The following PLPP4 variants were observed in gnomAD, a reference collection of about 807,000 sequenced individuals.
The protein encoded by PLPP4 is phospholipid phosphatase 4.
PLPP4 carries 20 observed loss-of-function variants against 32.2 expected under a neutral mutation model. The observed-to-expected ratio is 0.62, with a 90% CI of 0.44 to 0.90. The LOEUF (loss-of-function observed/expected upper bound fraction) is 0.90, where lower values mean the gene tolerates loss of function less well. PLPP4 is among the 40% of genes least tolerant of loss of function. PLPP4 has a pLI of 0.00. For missense variants in PLPP4, 257 were observed against 353.1 expected (o/e 0.73, Z 2.18); for synonymous variants, 127 against 133.0 (o/e 0.95, Z 0.31).
At chr10:120,504,502 G>T (rs1479100218) in intron 2 of PLPP4, among the ~76,000 whole-genome samples, 1 of 152,262 alleles carries the variant, frequency 6.6e-6, no homozygotes, top group African/African-American at 2.4e-5. Flanking sequence ...GCCTCGGCCT[G>T]TCTAGACATG....
At chr10:120,525,231 T>C (rs1369206776) in intron 5 of PLPP4, among the ~76,000 whole-genome samples, 1 of 152,200 alleles carries the variant, frequency 6.6e-6, no homozygotes, top group Non-Finnish European at 1.5e-5. Flanking sequence ...TCTGGCCCTT[T>C]ACAGAGAAAA....
intron 6 of PLPP4, among the ~76,000 whole-genome samples, chr10:120,587,996 G>A (rs1458568245): frequency 1.3e-5 from 2 of 152,194 alleles, no homozygotes; most frequent in Non-Finnish European, 2.9e-5. Flanking sequence ...ATCAAGCCTG[G>A]AATGAACCCG....
intron 3 of PLPP4, among the ~76,000 whole-genome samples, chr10:120,518,174 CTGTT>C (rs1263141937): frequency 2.0e-5 from 3 of 152,224 alleles, no homozygotes; most frequent in African/African-American, 7.2e-5. Flanking sequence ...TCTTCCCAGA[CTGTT>C]TGGAGAAAGT....
At chr10:120,540,581 G>A (rs1467876326) in intron 5 of PLPP4, among the ~76,000 whole-genome samples, 2 of 152,132 alleles carry the variant, frequency 1.3e-5, no homozygotes, top group African/African-American at 4.8e-5. Flanking sequence ...GCAACCCAAG[G>A]TACAGGGCAA....
At chr10:120,557,220 C>T (rs1848202857) in intron 5 of PLPP4, among the ~76,000 whole-genome samples, 1 of 152,124 alleles carries the variant, frequency 6.6e-6, no homozygotes. Context: ...GAAATAGCTG[C>T]ATTAGAAAAA....
intron 1 of PLPP4, among the ~76,000 whole-genome samples, chr10:120,463,494 C>T (rs935189384): frequency 1.3e-5 from 2 of 152,156 alleles, no homozygotes; most frequent in African/African-American, 4.8e-5. Context: ...CTAATACTTA[C>T]TTCACTGGAT....
At chr10:120,501,562 A>T (rs1031189484) in intron 1 of PLPP4, among the ~76,000 whole-genome samples, 1 of 152,218 alleles carries the variant, frequency 6.6e-6, no homozygotes, top group Non-Finnish European at 1.5e-5. Flanking sequence ...ATGACTCATT[A>T]TGTGCCACAT....
chr10:120,551,952 T>C (rs1047650450), intron 5 of PLPP4, among the ~76,000 whole-genome samples: 38 of 152,202 alleles, frequency 2.5e-4, no homozygotes, highest in Non-Finnish European at 5.0e-4. Context: ...TTCCTAACTT[T>C]TTTTTACAAT....
intron 1 of PLPP4, among the ~76,000 whole-genome samples, chr10:120,495,693 A>T (rs2133848192): frequency 6.6e-6 from 1 of 152,254 alleles, no homozygotes; most frequent in Non-Finnish European, 1.5e-5. Flanking sequence ...TTGTTTGTTC[A>T]CAGAATAACC....
intron 5 of PLPP4, among the ~76,000 whole-genome samples, chr10:120,544,547 A>G (rs545653217): frequency 2.0e-5 from 3 of 151,994 alleles, no homozygotes; most frequent in African/African-American, 7.2e-5. Flanking sequence ...CCCCTCCCAT[A>G]CACAGACTCT....
At chr10:120,517,949 C>T (rs1845998558) in intron 3 of PLPP4, among the ~76,000 whole-genome samples, 1 of 152,236 alleles carries the variant, frequency 6.6e-6, no homozygotes, top group African/African-American at 2.4e-5. Context: ...TGGTAGCTCA[C>T]ATGCTTTATT....
At chr10:120,563,623 ACCC>A in intron 5 of PLPP4, among the ~76,000 whole-genome samples, 1 of 147,998 alleles carries the variant, frequency 6.8e-6, no homozygotes, top group Non-Finnish European at 1.5e-5. Context: ...ACAAGGTGAA[ACCC>A]CGTCTCTACT....
At chr10:120,568,195 TG>T (rs1564845448) in intron 5 of PLPP4, among the ~76,000 whole-genome samples, 1 of 152,256 alleles carries the variant, frequency 6.6e-6, no homozygotes, top group Non-Finnish European at 1.5e-5. Context: ...CATCACAGAC[TG>T]TCCCTATTGG....
intron 5 of PLPP4, among the ~76,000 whole-genome samples, chr10:120,550,386 A>G (rs184489045): frequency 1.3e-5 from 2 of 152,096 alleles, no homozygotes; most frequent in Non-Finnish European, 2.9e-5. Context: ...GTATAGATTC[A>G]ACAAAATCCT....
intron 5 of PLPP4, among the ~76,000 whole-genome samples, chr10:120,560,071 G>A (rs931682914): frequency 2.0e-5 from 3 of 152,148 alleles, no homozygotes; most frequent in Admixed American, 6.5e-5. Flanking sequence ...CGAAATTGGC[G>A]GTGGGCCACA....
At position 120,468,062 on chromosome 10, in the gene PLPP4, T is replaced by C. The variant is rs1848391155; in HGVS notation, c.56+10701T>C. 3.1e-5 allele frequency among the ~76,000 whole-genome samples: 2 copies of C among 65,234 alleles called. 1 individual carries two copies. Among genetic ancestry groups the C allele is most frequent in the Non-Finnish European group, 8.9e-5 (2 of 22,412 alleles). 42.8% of individuals were successfully genotyped at this position (65,234 alleles called of 152,430 possible). A position where few individuals can be genotyped will look rare whatever the true frequency, so the allele number is the denominator to read the frequency against. On this transcript the variant is annotated intron_variant, in intron 1 of 6. Coordinates refer to ENST00000398250, the MANE Select transcript of PLPP4 (RefSeq NM_001030059.3). Reference sequence around the variant, plus strand: ...CCCATCCATGTTCCTGCAAAGGACATGATCTCATTCTTTGTTGTGGCCGCA... The same window carrying C: ...CCCATCCATGTTCCTGCAAAGGACACGATCTCATTCTTTGTTGTGGCCGCA...
At chr10:120,505,373 C>T (rs1307829601) in intron 2 of PLPP4, among the ~76,000 whole-genome samples, 2 of 152,194 alleles carry the variant, frequency 1.3e-5, no homozygotes, top group Non-Finnish European at 1.5e-5. Flanking sequence ...ATTTAAGCTC[C>T]TCTTTGTTAT....
intron 6 of PLPP4, among the ~76,000 whole-genome samples, chr10:120,576,885 G>A (rs753191519): frequency 1.3e-5 from 2 of 152,222 alleles, no homozygotes; most frequent in African/African-American, 2.4e-5. Context: ...ATATGTTCCC[G>A]CAGAATTGTT....
chr10:120,564,364 T>G (rs1236223024), intron 5 of PLPP4, among the ~76,000 whole-genome samples: 1 of 151,924 alleles, frequency 6.6e-6, no homozygotes, highest in Non-Finnish European at 1.5e-5. Context: ...AGATCTTTGA[T>G]TAGCTTTGAG....
Sources: allele counts gnomAD v4.1 joint callset (sites outside exome capture counted in the v4.1 genomes callset), GRCh38; gene constraint gnomAD v4.1.1; transcripts MANE v1.5; gene names NCBI Gene and HGNC (gene_info 2026-07-23, HGNC 2026-07-21).